KDM1B: variants seen among roughly 807,000 people sequenced by gnomAD.
The protein encoded by KDM1B is lysine-specific histone demethylase 2.
Under a neutral mutation model 107.4 loss-of-function variants are expected in KDM1B, and 63 were observed. The observed-to-expected ratio is 0.59, with a 90% CI of 0.48 to 0.72. The LOEUF (loss-of-function observed/expected upper bound fraction) is 0.72, where lower values mean the gene tolerates loss of function less well. Ranked by LOEUF, KDM1B falls within the 30% of genes least tolerant of loss-of-function variation. The probability of loss-of-function intolerance (pLI) is 0.00; values close to 1 mark genes in which losing one functional copy is unlikely to be tolerated. For synonymous variants in KDM1B, 363 were observed against 363.9 expected, an observed-to-expected ratio of 1.00 and a Z score of 0.03; for missense variants, 749 against 1,020.8, an observed-to-expected ratio of 0.73 and a Z score of 3.63.
intron 6 of KDM1B, among the ~76,000 whole-genome samples, chr6:18,171,146 C>T (rs1448169320): frequency 3.3e-5 from 5 of 152,160 alleles, no homozygotes; most frequent in Non-Finnish European, 1.5e-5. Flanking sequence ...CAACAAAACT[C>T]AGATCCCCTT....
At chr6:18,158,709 C>CT (rs1784787160) in intron 2 of KDM1B, among the ~76,000 whole-genome samples, 1 of 152,132 alleles carries the variant, frequency 6.6e-6, no homozygotes, top group Admixed American at 6.6e-5. Context: ...AGTACTTATG[C>CT]TAAGCATTTT....
chr6:18,219,656 G>T (rs1394924513), intron 21 of KDM1B, among the ~76,000 whole-genome samples: 1 of 152,114 alleles, frequency 6.6e-6, no homozygotes, highest in Non-Finnish European at 1.5e-5. Context: ...CTTATTTTGT[G>T]TGCTGCAGTC....
intron 5 of KDM1B, among the ~76,000 whole-genome samples, chr6:18,163,505 A>C (rs1785100655): frequency 6.6e-6 from 1 of 152,096 alleles, no homozygotes; most frequent in South Asian, 2.1e-4. Flanking sequence ...AGTTTCATAA[A>C]TTAGTAGCTT....
At chr6:18,207,310 T>C in intron 15 of KDM1B, 88 bp from the exon 16 acceptor site, 1 of 1,480,132 alleles carries the variant, frequency 6.8e-7, no homozygotes, top group Non-Finnish European at 9.4e-7. Flanking sequence ...CCTTGGTGGC[T>C]GTTCCCACCT....
chr6:18,190,118 C>A (rs1319246334), intron 9 of KDM1B, among the ~76,000 whole-genome samples: 1 of 151,466 alleles, frequency 6.6e-6, no homozygotes. Flanking sequence ...CCATTACACT[C>A]CAGCCTGGGT....
chr6:18,213,564 T>G lies in KDM1B; in HGVS notation c.1984-92T>G. ...GTTGTTCTTTCGGGCAGTGTCTTTGTTTTAGAGTAGAGCTACAGGTTGCTG... is the reference window on the plus strand; with the variant it reads ...GTTGTTCTTTCGGGCAGTGTCTTTGGTTTAGAGTAGAGCTACAGGTTGCTG... On this transcript the variant is annotated intron_variant, in intron 18 of 21. Coordinates refer to ENST00000650836, the MANE Select transcript of KDM1B (RefSeq NM_001364614.2). The surrounding 1 kb of genome is among the most constrained non-coding windows in gnomAD (Gnocchi z 5.9). The G allele has an allele frequency of 7.4e-7, 1 of 1,345,014 alleles. No homozygotes were observed. Among genetic ancestry groups the G allele is most frequent in the Non-Finnish European group, 1.1e-6 (1 of 948,236 alleles). 83.3% of individuals were successfully genotyped at this position (1,345,014 alleles called of 1,614,324 possible). A position where few individuals can be genotyped will look rare whatever the true frequency, so the allele number is the denominator to read the frequency against.
At chr6:18,216,023 A>G (rs1789202700) in intron 20 of KDM1B, among the ~76,000 whole-genome samples, 1 of 152,110 alleles carries the variant, frequency 6.6e-6, no homozygotes, top group African/African-American at 2.4e-5. Context: ...AATGACTCAA[A>G]AGTTATGTAA....
At chr6:18,178,012 T>C (rs567467387) in intron 7 of KDM1B, among the ~76,000 whole-genome samples, 3 of 152,332 alleles carry the variant, frequency 2.0e-5, no homozygotes, top group African/African-American at 4.8e-5. Context: ...AGGATATCTT[T>C]TGTGCCTTTG....
At chr6:18,218,032 T>TGGGAGCAAGAGGA in intron 21 of KDM1B, 147 bp downstream of exon 21, 1 of 801,520 alleles carries the variant, frequency 1.2e-6, no homozygotes, top group Non-Finnish European at 1.9e-6. Flanking sequence ...CACCATCCTC[T>TGGGAGCAAGAGGA]TGCTCCCAGA....
chr6:18,166,897 A>G (rs763118716), intron 6 of KDM1B, among the ~76,000 whole-genome samples: 69 of 151,834 alleles, frequency 4.5e-4, no homozygotes, highest in Middle Eastern at 6.8e-3. Context: ...CTAAAGGCTC[A>G]CCACCAGCTG....
intron 5 of KDM1B, among the ~76,000 whole-genome samples, chr6:18,165,294 C>G (rs987328831): frequency 6.6e-6 from 1 of 151,896 alleles, no homozygotes; most frequent in Admixed American, 6.6e-5. Context: ...CCACACCTGG[C>G]TAATTTTTTG....
In KDM1B at chr6:18,205,581, A is replaced by G. The variant is rs1788310945; in HGVS notation, c.1576A>G (p.Ile526Val). 6.5e-7 allele frequency: 1 copy of G among 1,547,034 alleles called. No individual in the cohort carries two copies. Among genetic ancestry groups the G allele is most frequent in the Non-Finnish European group, 8.7e-7 (1 of 1,145,048 alleles). ...IYKAFIKESG[I>V]QFSELEGQVL... is the part of the protein sequence containing the mutation. ...CAAGGCATTTATTAAGGAATCTGGT[A>G]TCCAATTCAGTGAGCTGGAGGGACA... The change falls in exon 15 of 22, where the codon ATC becomes GTC. Residue 526 changes from isoleucine to valine, a missense_variant. Ile to Val is a conservative substitution (Grantham distance 29). Transcript: ENST00000650836. The surrounding 1 kb of genome is among the most constrained non-coding windows in gnomAD (Gnocchi z 5.7).
chr6:18,219,378 T>A (rs1277664386), intron 21 of KDM1B, among the ~76,000 whole-genome samples: 1 of 152,224 alleles, frequency 6.6e-6, no homozygotes, highest in Non-Finnish European at 1.5e-5. Context: ...GAGATTCTGT[T>A]CCATATCTTG....
In KDM1B at chr6:18,209,510, A is replaced by G. The variant is rs1246607036; in HGVS notation, c.1866+1304A>G. Among the ~76,000 whole-genome samples, 2 of 152,192 alleles carry G rather than the reference A, an allele frequency of 1.3e-5. No homozygotes were observed. The highest frequency in any genetic ancestry group is 2.9e-5 in the Non-Finnish European group (2 of 68,020). The stretch of plus-strand genomic sequence containing the variant: ...ACCAACTCGGAGATCTTGGGCAGCA[A>G]TCCCCGGGCTGCACGTCGGAACCAC... On this transcript the variant is annotated intron_variant, in intron 17 of 21. Coordinates refer to ENST00000650836, the MANE Select transcript of KDM1B (RefSeq NM_001364614.2). This position sits in a 1 kb window ranked among gnomAD's most constrained non-coding sequence, Gnocchi z 4.3.
chr6:18,216,005 A>G (rs944091705), intron 20 of KDM1B, among the ~76,000 whole-genome samples: 1 of 152,210 alleles, frequency 6.6e-6, no homozygotes, highest in African/African-American at 2.4e-5. Context: ...GAGCAGAAAT[A>G]GAAGTGAAAT....
In KDM1B at chr6:18,222,987, T is replaced by C. The variant is rs1381713130; in HGVS notation, c.*995T>C. Reference sequence around the variant, plus strand: ...AATAGTATACATTTTATAAGCTATATTTTAAAGGCCTAAGAACATGGCAAG... The same window carrying C: ...AATAGTATACATTTTATAAGCTATACTTTAAAGGCCTAAGAACATGGCAAG... On this transcript the variant is annotated 3_prime_UTR_variant, in exon 22 of 22. Transcript: ENST00000650836. 4 of 152,726 alleles carry C rather than the reference T, an allele frequency of 2.6e-5. No individual in the cohort carries two copies. Among genetic ancestry groups the C allele is most frequent in the Middle Eastern group, 3.4e-3 (1 of 294 alleles). The allele number at this position is 152,726 out of a possible 1,614,324, so 9.5% of individuals were successfully genotyped here.
Position 18,222,278 on chromosome 6 carries a change from T to G in KDM1B, c.*286T>G, listed in dbSNP as rs1477026289. On this transcript the variant is annotated 3_prime_UTR_variant, in exon 22 of 22. Transcript: ENST00000650836. ...GTAAGTTTCAGTTGAGGCCATGGAT[T>G]TGATTGTTCCATGGCTGGAAGTTCC... 3.9e-6 allele frequency: 2 copies of G among 508,510 alleles called. No individual in the cohort carries two copies. Among genetic ancestry groups the G allele is most frequent in the Non-Finnish European group, 7.4e-6 (2 of 268,872 alleles). 31.5% of individuals were successfully genotyped at this position (508,510 alleles called of 1,614,324 possible). A position where few individuals can be genotyped will look rare whatever the true frequency, so the allele number is the denominator to read the frequency against.
chr6:18,198,965 T>G (rs1787848915), intron 12 of KDM1B, among the ~76,000 whole-genome samples: 2 of 140,976 alleles, frequency 1.4e-5, no homozygotes, highest in African/African-American at 5.3e-5. Flanking sequence ...GCTCAGGAGT[T>G]TGAGATCAGC....
chr6:18,212,472 T>C lies in KDM1B; in HGVS notation c.1867-16T>C, dbSNP rs1788917670. On this transcript the variant is annotated splice_polypyrimidine_tract_variant and intron_variant, in intron 17 of 21. Transcript: ENST00000650836. The surrounding 1 kb of genome is among the most constrained non-coding windows in gnomAD (Gnocchi z 5.2). Reference sequence around the variant, plus strand: ...CTGTTGCTGTTTGTTTGTTAACTGTTAATTATTTTCCACAGGTATTAGTCA... The same window carrying C: ...CTGTTGCTGTTTGTTTGTTAACTGTCAATTATTTTCCACAGGTATTAGTCA... 6.8e-7 allele frequency: 1 copy of C among 1,462,930 alleles called. No individual in the cohort carries two copies. Among genetic ancestry groups the C allele is most frequent in the South Asian group, 1.1e-5 (1 of 88,074 alleles). 90.6% of individuals were successfully genotyped at this position (1,462,930 alleles called of 1,614,324 possible). A position where few individuals can be genotyped will look rare whatever the true frequency, so the allele number is the denominator to read the frequency against.
Sources: gnomAD v4.1 joint callset for allele counts (sites outside exome capture counted in the v4.1 genomes callset) on GRCh38, gnomAD v4.1.1 for gene constraint, Gnocchi (gnomAD v3.1) non-coding constraint, MANE v1.5 for transcripts, NCBI Gene and HGNC (gene_info 2026-07-23, HGNC 2026-07-21) for gene names.